The following TMED10 variants were observed in gnomAD, a reference collection of about 807,000 sequenced individuals.
TMED10 encodes the protein transmembrane p24 trafficking protein 10.
A neutral mutation model predicts 23.1 loss-of-function variants in TMED10; 7 were observed. The observed-to-expected ratio is 0.30, with a 90% CI of 0.17 to 0.57. TMED10 has a LOEUF of 0.57. Among genes scored for constraint, TMED10 ranks in the 20% least tolerant of loss-of-function variants. The probability of loss-of-function intolerance (pLI) is 0.91; values close to 1 mark genes in which losing one functional copy is unlikely to be tolerated. For synonymous variants in TMED10, 113 were observed against 106.9 expected, an observed-to-expected ratio of 1.06 and a Z score of -0.35; for missense variants, 162 against 274.8, an observed-to-expected ratio of 0.59 and a Z score of 2.90.
At chr14:75,164,520 T>G (rs1389899817) in intron 1 of TMED10, among the ~76,000 whole-genome samples, 3 of 134,318 alleles carry the variant, frequency 2.2e-5, no homozygotes. Context: ...CGTGAGCCAC[T>G]GCACCTGGCC....
chr14:75,151,965 G>A, intron 2 of TMED10, 67 bp downstream of exon 2: 3 of 1,320,512 alleles, frequency 2.3e-6, no homozygotes, highest in South Asian at 1.3e-5. Flanking sequence ...ATTAAGTGCT[G>A]ACTGTATTAA....
In TMED10 at chr14:75,169,954, G is replaced by T. The variant is rs777685336; in HGVS notation, c.225+6401C>A. ...ATAAGAAAAAGTGGAACGGCCGGGCGTGGTGGCTCATGCCTGTAATCCCAG... is the reference window on the plus strand; with the variant it reads ...ATAAGAAAAAGTGGAACGGCCGGGCTTGGTGGCTCATGCCTGTAATCCCAG... On this transcript the variant is annotated intron_variant, in intron 1 of 4. Coordinates refer to ENST00000303575, the MANE Select transcript of TMED10 (RefSeq NM_006827.6). Among the ~76,000 whole-genome samples, 47 of 152,036 alleles carry T rather than the reference G, an allele frequency of 3.1e-4. 1 individual carries two copies. Among genetic ancestry groups the T allele is most frequent in the Admixed American group, 9.2e-4 (14 of 15,266 alleles).
intron 1 of TMED10, among the ~76,000 whole-genome samples, chr14:75,157,958 AAAAT>A (rs1446536663): frequency 1.3e-5 from 2 of 152,162 alleles, no homozygotes; most frequent in African/African-American, 4.8e-5. Flanking sequence ...AAAAGAAGTA[AAAAT>A]AAATAAATAG....
At chr14:75,165,553 G>GT (rs1237401044) in intron 1 of TMED10, among the ~76,000 whole-genome samples, 4 of 152,120 alleles carry the variant, frequency 2.6e-5, no homozygotes, top group Non-Finnish European at 5.9e-5. Context: ...AGGGACCACT[G>GT]TATCTCAAAA....
rs771551323 is a variant in TMED10, at chr14:75,176,557, G to A, written c.23C>T (p.Pro8Leu). 9 of 1,614,056 alleles carry A rather than the reference G, an allele frequency of 5.6e-6. No individual in the cohort carries two copies. Among genetic ancestry groups the A allele is most frequent in the African/African-American group, 2.7e-5 (2 of 74,924 alleles). The change falls in exon 1 of 5, where the codon CCA becomes CTA. Residue 8 changes from proline to leucine, a missense_variant. Transcript: ENST00000303575. ...TAACGGAAAAGGGCCGCGCCGGGCT[G>A]GTGGGCCAGACAAACCAGACATGGT... is the stretch of plus-strand genomic sequence containing the variant. MSGLSGP[P>L]ARRGPFPLAL...
chr14:75,135,611 A>G, intron 4 of TMED10, 149 bp downstream of exon 4: 2 of 1,089,276 alleles, frequency 1.8e-6, no homozygotes, highest in Non-Finnish European at 2.6e-6. Flanking sequence ...AGGCTCATTT[A>G]CCTTTAGCAG....
chr14:75,137,008 TC>T (rs1168846844), intron 3 of TMED10: 1 of 151,612 alleles, frequency 6.6e-6, no homozygotes, highest in East Asian at 1.9e-4. Flanking sequence ...ACCAGAGCTT[TC>T]CAGATCTTTT....
Position 75,176,488 on chromosome 14 carries a change from G to A in TMED10, c.92C>T (p.Ala31Val). 6.2e-7 allele frequency: 1 copy of A among 1,614,220 alleles called. No homozygotes were observed. Among genetic ancestry groups the A allele is most frequent in the Non-Finnish European group, 8.5e-7 (1 of 1,180,040 alleles). ...GTTAATGGGCAGATGGAAGGAGATG[G>A]CAAGGACCAATCTGGGGCCGAGCAG... ...LFLLGPRLVL[A>V]ISFHLPINSR... Residue 31 changes from alanine to valine, a missense_variant, in exon 1 of 5, where the codon GCC (alanine) becomes GTC (valine). Physicochemically the swap from Ala to Val is moderately conservative, Grantham distance 64. Coordinates refer to ENST00000303575, the MANE Select transcript of TMED10 (RefSeq NM_006827.6).
Position 75,152,216 on chromosome 14 carries a change from T to C in TMED10, c.226-73A>G, listed in dbSNP as rs139637881. ...AGAGAACTTACAGAAACTGGGAAGA[T>C]AGAGACACTATCTATGAAAGACAAT... On this transcript the variant is annotated intron_variant, in intron 1 of 4. Coordinates refer to ENST00000303575, the MANE Select transcript of TMED10 (RefSeq NM_006827.6). 658 of 1,180,316 alleles carry C rather than the reference T, an allele frequency of 5.6e-4. 3 individuals are homozygous for C. The African/African-American group carries it at 8.2e-3, about 15-fold the overall frequency. The allele number at this position is 1,180,316 out of a possible 1,614,324, so 73.1% of individuals were successfully genotyped here.
chr14:75,151,180 C>G (rs142681708), intron 2 of TMED10, among the ~76,000 whole-genome samples: 153 of 151,464 alleles, frequency 1.0e-3, no homozygotes, highest in African/African-American at 3.4e-3. Flanking sequence ...GCTGGGATTA[C>G]AAGCGTGAGT....
intron 3 of TMED10, among the ~76,000 whole-genome samples, chr14:75,138,711 A>G (rs942677286): frequency 1.3e-5 from 2 of 152,140 alleles, no homozygotes; most frequent in Non-Finnish European, 2.9e-5. Flanking sequence ...GAAACTTGCA[A>G]AAGAAACTGG....
At chr14:75,166,868 A>G (rs1010182669) in intron 1 of TMED10, among the ~76,000 whole-genome samples, 8 of 152,016 alleles carry the variant, frequency 5.3e-5, no homozygotes, top group Non-Finnish European at 8.8e-5. Context: ...TGGCATAAGT[A>G]AGGGTTCATG....
intron 3 of TMED10, among the ~76,000 whole-genome samples, chr14:75,141,627 C>A (rs945952614): frequency 6.6e-6 from 1 of 152,058 alleles, no homozygotes; most frequent in Non-Finnish European, 1.5e-5. Context: ...AAATAATTTG[C>A]CCAAAGTATC....
intron 1 of TMED10, among the ~76,000 whole-genome samples, chr14:75,164,537 A>G (rs1249113870): frequency 5.6e-4 from 5 of 8,916 alleles, no homozygotes; most frequent in Admixed American, 1.6e-3. Flanking sequence ...GGCCTAATAT[A>G]TATATATATA....
At chr14:75,159,982 A>G (rs1340683569) in intron 1 of TMED10, among the ~76,000 whole-genome samples, 2 of 152,226 alleles carry the variant, frequency 1.3e-5, no homozygotes, top group African/African-American at 2.4e-5. Context: ...TTTACCTCCC[A>G]GAAATAGTGT....
intron 3 of TMED10, among the ~76,000 whole-genome samples, chr14:75,146,116 A>G (rs534065537): frequency 6.6e-6 from 1 of 152,226 alleles, no homozygotes; most frequent in Non-Finnish European, 1.5e-5. Flanking sequence ...TTATTTATTT[A>G]AATTAAACTA....
chr14:75,169,213 T>C (rs965625804), intron 1 of TMED10, among the ~76,000 whole-genome samples: 2 of 152,252 alleles, frequency 1.3e-5, no homozygotes, highest in East Asian at 1.9e-4. Context: ...AAGCAGCTTA[T>C]AGTTTATCCC....
intron 3 of TMED10, among the ~76,000 whole-genome samples, chr14:75,142,923 A>G (rs1895840621): frequency 6.6e-6 from 1 of 152,020 alleles, no homozygotes; most frequent in African/African-American, 2.4e-5. Flanking sequence ...CAGTGGCACG[A>G]TCTTGGCTCA....
chr14:75,155,245 C>T (rs1313379176), intron 1 of TMED10, among the ~76,000 whole-genome samples: 2 of 152,220 alleles, frequency 1.3e-5, no homozygotes, highest in Non-Finnish European at 2.9e-5. Flanking sequence ...CAGGTGTGAG[C>T]CACCACGCCC....
Sources: gnomAD v4.1 joint callset for allele counts (sites outside exome capture counted in the v4.1 genomes callset) on GRCh38, gnomAD v4.1.1 for gene constraint, MANE v1.5 for transcripts, NCBI Gene and HGNC (gene_info 2026-07-23, HGNC 2026-07-21) for gene names.